SFT2D1: variants seen among roughly 807,000 people sequenced by gnomAD.
SFT2D1 encodes the protein SFT2 domain containing 1.
SFT2D1 carries 24 observed loss-of-function variants against 28.1 expected under a neutral mutation model. The ratio of observed to expected loss-of-function variants is 0.85; its 90% CI spans 0.62 to 1.20. SFT2D1 has a LOEUF of 1.20. Ranked by LOEUF, SFT2D1 falls within the 50% of genes most tolerant of loss-of-function variation. SFT2D1 has a pLI of 0.00. For missense variants in SFT2D1, 181 were observed against 190.9 expected, an observed-to-expected ratio of 0.95 and a Z score of 0.31; for synonymous variants, 82 against 73.7, an observed-to-expected ratio of 1.11 and a Z score of -0.58.
rs1778409632 is a variant in SFT2D1, at chr6:166,324,517, T to C, written c.410+20A>G. The C allele has an allele frequency of 2.5e-6, 4 of 1,604,614 alleles. No homozygotes were observed. The highest frequency in any genetic ancestry group is 2.7e-5 in the African/African-American group (2 of 74,646). On this transcript the variant is annotated intron_variant, in intron 6 of 7. Coordinates refer to ENST00000361731, the MANE Select transcript of SFT2D1 (RefSeq NM_145169.3). ...GTCTCAGGCAATTTTAACACTTCACTAGGGTAAGGAAAGACTTACCAGGTC... is the reference window on the plus strand; with the variant it reads ...GTCTCAGGCAATTTTAACACTTCACCAGGGTAAGGAAAGACTTACCAGGTC...
At chr6:166,332,947 G>A (rs1270882846) in intron 1 of SFT2D1, among the ~76,000 whole-genome samples, 1 of 152,202 alleles carries the variant, frequency 6.6e-6, no homozygotes, top group Non-Finnish European at 1.5e-5. Flanking sequence ...TTAAGTGACG[G>A]AGAAGCTGAG....
In SFT2D1 at chr6:166,333,646, T is replaced by A. The variant is rs531039625; in HGVS notation, c.64-3399A>T. Among the ~76,000 whole-genome samples the A allele has an allele frequency of 2.6e-5, 4 of 152,308 alleles. No homozygotes were observed. The East Asian group carries it at 7.7e-4, about 29-fold the overall frequency. ...TCCCTCCTCCTGCTCCAGGAGGTGCTGAGCTGAGCACTGCTGGGTGGAGTC... is the reference window on the plus strand; with the variant it reads ...TCCCTCCTCCTGCTCCAGGAGGTGCAGAGCTGAGCACTGCTGGGTGGAGTC... On this transcript the variant is annotated intron_variant, in intron 1 of 7. Transcript: ENST00000361731.
chr6:166,336,652 C>T (rs1198369196), intron 1 of SFT2D1, among the ~76,000 whole-genome samples: 1 of 152,162 alleles, frequency 6.6e-6, no homozygotes, highest in Admixed American at 6.5e-5. Flanking sequence ...CCTTCTTTTC[C>T]TCAACTTCCC....
chr6:166,342,201 G>A (rs1364092110), intron 1 of SFT2D1, among the ~76,000 whole-genome samples: 1 of 67,758 alleles, frequency 1.5e-5, no homozygotes, highest in Non-Finnish European at 3.7e-5. Context: ...TGGGAGAGTC[G>A]GGGGGGGGCC....
intron 1 of SFT2D1, among the ~76,000 whole-genome samples, chr6:166,337,525 G>A (rs370142371): frequency 6.6e-5 from 10 of 151,868 alleles, no homozygotes; most frequent in East Asian, 5.8e-4. Flanking sequence ...CTCCTCTGCC[G>A]CCTTAGCTCC....
chr6:166,326,091 C>T (rs757982360), intron 5 of SFT2D1, 41 bp downstream of exon 5: 1 of 1,589,182 alleles, frequency 6.3e-7, no homozygotes, highest in Non-Finnish European at 8.6e-7. Flanking sequence ...GGGTGGGGGG[C>T]ACACAGTTAA....
chr6:166,335,177 TTGG>T, intron 1 of SFT2D1: 1 of 622,124 alleles, frequency 1.6e-6, no homozygotes, highest in Non-Finnish European at 3.0e-6. Context: ...TCTGGAAACT[TTGG>T]TGGTGGTTGT....
intron 4 of SFT2D1, 149 bp from the exon 5 acceptor site, chr6:166,326,316 G>T (rs1159709863): frequency 1.4e-6 from 1 of 698,886 alleles, no homozygotes; most frequent in Non-Finnish European, 2.4e-6. Flanking sequence ...TGTATTTTCT[G>T]TAAGTATTAT....
intron 4 of SFT2D1, among the ~76,000 whole-genome samples, chr6:166,326,803 CAT>C (rs1349623763): frequency 6.6e-6 from 1 of 152,224 alleles, no homozygotes; most frequent in Non-Finnish European, 1.5e-5. Flanking sequence ...GTTCTCTCAA[CAT>C]GTGTGTTTTT....
intron 7 of SFT2D1, 62 bp from the exon 8 acceptor site, chr6:166,320,318 A>C: frequency 1.4e-6 from 2 of 1,387,546 alleles, no homozygotes; most frequent in Admixed American, 1.9e-5. Flanking sequence ...AGTTGCGCAA[A>C]ATGTTCCTGC....
intron 1 of SFT2D1, among the ~76,000 whole-genome samples, chr6:166,333,674 G>A (rs1299663518): frequency 6.6e-6 from 1 of 152,198 alleles, no homozygotes; most frequent in African/African-American, 2.4e-5. Flanking sequence ...GTGGAGTCAG[G>A]CACAGGGCAG....
rs562916965 is a variant in SFT2D1, at chr6:166,335,352, G to A, written c.64-5105C>T. ...GATGGAATCAATTCTGGAGGTGGCA[G>A]AAGCTCCAATGATTTTGGCAATTAC... On this transcript the variant is annotated intron_variant, in intron 1 of 7. Transcript: ENST00000361731. 615 of 576,930 alleles carry A rather than the reference G, an allele frequency of 1.1e-3. 6 individuals carry two copies. The highest frequency in any genetic ancestry group is 9.9e-3 in the African/African-American group (529 of 53,682). The allele number at this position is 576,930 out of a possible 1,614,324, so 35.7% of individuals were successfully genotyped here. A position where few individuals can be genotyped will look rare whatever the true frequency, so the allele number is the denominator to read the frequency against.
At chr6:166,332,428 G>A (rs1231247783) in intron 1 of SFT2D1, among the ~76,000 whole-genome samples, 4 of 152,108 alleles carry the variant, frequency 2.6e-5, no homozygotes, top group African/African-American at 9.7e-5. Flanking sequence ...CTAATTTTTT[G>A]TATTTTTAGT....
At chr6:166,338,184 G>C (rs1438470404) in intron 1 of SFT2D1, among the ~76,000 whole-genome samples, 1 of 152,168 alleles carries the variant, frequency 6.6e-6, no homozygotes, top group Non-Finnish European at 1.5e-5. Flanking sequence ...GGGGTTAGTA[G>C]GACTCCCACA....
chr6:166,320,067 A>G lies in SFT2D1; in HGVS notation c.*150T>C. 1 of 630,708 alleles carries G rather than the reference A, an allele frequency of 1.6e-6. No homozygotes were observed. The highest frequency in any genetic ancestry group is 2.8e-6 in the Non-Finnish European group (1 of 356,202). 39.1% of individuals were successfully genotyped at this position (630,708 alleles called of 1,614,324 possible). A position where few individuals can be genotyped will look rare whatever the true frequency, so the allele number is the denominator to read the frequency against. ...CATTTAATGGTTTAATCAAGCATGT[A>G]GTTTTTACCAGTATACAAAATGAGA... On this transcript the variant is annotated 3_prime_UTR_variant, in exon 8 of 8. Transcript: ENST00000361731.
In SFT2D1 at chr6:166,342,316, C is replaced by G. The variant is rs1778799402; in HGVS notation, c.63+103G>C. 6.6e-6 allele frequency: 7 copies of G among 1,064,566 alleles called. No individual in the cohort carries two copies. The East Asian group carries it at 2.0e-4, about 30-fold the overall frequency. 65.9% of individuals were successfully genotyped at this position (1,064,566 alleles called of 1,614,324 possible). On this transcript the variant is annotated intron_variant, in intron 1 of 7. Coordinates refer to ENST00000361731, the MANE Select transcript of SFT2D1 (RefSeq NM_145169.3). ...AATCAACCAGCCGGGCAGAGGAGTC[C>G]CAGACCCCCGGCCTCGCACCCACCC...
chr6:166,342,300 G>A (rs959503276), intron 1 of SFT2D1, 119 bp downstream of exon 1: 9 of 834,870 alleles, frequency 1.1e-5, no homozygotes, highest in Non-Finnish European at 1.6e-5. Flanking sequence ...AAATCAACCA[G>A]CCGGGCAGAG....
intron 5 of SFT2D1, 47 bp downstream of exon 5, chr6:166,326,085 G>C (rs189199442): frequency 2.0e-5 from 31 of 1,548,328 alleles, no homozygotes; most frequent in East Asian, 1.8e-4. Flanking sequence ...CAGCTGGGGT[G>C]GGGGGCACAC....
At chr6:166,331,118 G>A (rs1430558642) in intron 1 of SFT2D1, among the ~76,000 whole-genome samples, 1 of 152,170 alleles carries the variant, frequency 6.6e-6, no homozygotes, top group East Asian at 1.9e-4. Flanking sequence ...CCAGCACACA[G>A]TAGTGGTGAA....
Sources: allele counts gnomAD v4.1 joint callset (sites outside exome capture counted in the v4.1 genomes callset), GRCh38; gene constraint gnomAD v4.1.1; transcripts MANE v1.5; gene names NCBI Gene and HGNC (gene_info 2026-07-23, HGNC 2026-07-21).